The following AGMO variants were observed in gnomAD, a reference collection of about 807,000 sequenced individuals.
AGMO encodes the protein glyceryl-ether monooxygenase.
A neutral mutation model predicts 60.2 loss-of-function variants in AGMO; 75 were observed. That is an observed-to-expected ratio of 1.25 (90% CI 1.03 to 1.51). The LOEUF (loss-of-function observed/expected upper bound fraction) is 1.51, where lower values mean the gene tolerates loss of function less well. AGMO is among the 40% of genes most tolerant of loss of function. The pLI is 0.00. For synonymous variants in AGMO, 261 were observed against 177.1 expected (o/e 1.47, Z -3.76); for missense variants, 763 against 525.5 (o/e 1.45, Z -4.42).
chr7:15,278,194 G>A (rs184305878), intron 12 of AGMO, among the ~76,000 whole-genome samples: 138 of 152,206 alleles, frequency 9.1e-4, no homozygotes, highest in Admixed American at 5.5e-3. Flanking sequence ...CAGCTTTGTG[G>A]CTCATCTGAT....
intron 10 of AGMO, among the ~76,000 whole-genome samples, chr7:15,370,248 G>A (rs567463482): frequency 6.6e-6 from 1 of 152,304 alleles, no homozygotes; most frequent in African/African-American, 2.4e-5. Flanking sequence ...TTTCATGCCT[G>A]CATAGTAATC....
At chr7:15,438,447 T>A (rs1365351317) in intron 3 of AGMO, among the ~76,000 whole-genome samples, 1 of 152,218 alleles carries the variant, frequency 6.6e-6, no homozygotes, top group Non-Finnish European at 1.5e-5. Context: ...ATAACTTACA[T>A]AAAGTAATGA....
chr7:15,180,763 T>C, the AGMO span, among the ~76,000 whole-genome samples: 1 of 152,202 alleles, frequency 6.6e-6, no homozygotes, highest in Non-Finnish European at 1.5e-5. Context: ...TCTCAGTATT[T>C]ATTTTCTGTT....
At chr7:15,467,824 T>C (rs1007415663) in intron 3 of AGMO, among the ~76,000 whole-genome samples, 7 of 152,146 alleles carry the variant, frequency 4.6e-5, no homozygotes, top group African/African-American at 1.7e-4. Flanking sequence ...TTAAGATATT[T>C]AAACCCTTTA....
the AGMO span, among the ~76,000 whole-genome samples, chr7:15,141,841 T>G: frequency 6.6e-6 from 1 of 152,206 alleles, no homozygotes; most frequent in African/African-American, 2.4e-5. Flanking sequence ...AATATTATTC[T>G]TTTTTGGTAA....
the AGMO span, among the ~76,000 whole-genome samples, chr7:15,184,417 G>A: frequency 5.2e-5 from 7 of 134,904 alleles, 1 homozygote; most frequent in Admixed American, 3.0e-4. Context: ...GGGAAGGAAG[G>A]AAGGAAAAGA....
downstream of AGMO, among the ~76,000 whole-genome samples, chr7:15,196,368 T>A (rs1356913961): frequency 6.6e-6 from 1 of 152,144 alleles, no homozygotes; most frequent in East Asian, 1.9e-4. Context: ...TCTTTTAAAA[T>A]GTATGCAAAA....
chr7:15,154,614 C>T, the AGMO span, among the ~76,000 whole-genome samples: 6 of 152,090 alleles, frequency 3.9e-5, no homozygotes, highest in Non-Finnish European at 7.4e-5. Context: ...CAAGGTTAAT[C>T]TTGATATGTG....
chr7:15,376,401 G>C (rs981528645), intron 10 of AGMO, among the ~76,000 whole-genome samples: 1 of 151,852 alleles, frequency 6.6e-6, no homozygotes, highest in African/African-American at 2.4e-5. Flanking sequence ...TTTTTCAGCA[G>C]CTTTATTAAA....
At chr7:15,353,726 C>G (rs1416987357) in intron 12 of AGMO, among the ~76,000 whole-genome samples, 4 of 151,996 alleles carry the variant, frequency 2.6e-5, no homozygotes, top group Admixed American at 2.6e-4. Flanking sequence ...TGACAGTGAA[C>G]AAATAGTAGA....
chr7:15,404,470 C>T (rs969921378), intron 5 of AGMO, among the ~76,000 whole-genome samples: 8 of 151,802 alleles, frequency 5.3e-5, no homozygotes, highest in Admixed American at 5.3e-4. Flanking sequence ...TATTTTTAAA[C>T]AACACGGAGT....
intron 10 of AGMO, among the ~76,000 whole-genome samples, chr7:15,370,342 T>C (rs1228961505): frequency 2.0e-5 from 3 of 152,210 alleles, no homozygotes; most frequent in South Asian, 4.1e-4. Flanking sequence ...TTTGCTATTG[T>C]GAATAATGCT....
chr7:15,167,294 A>T, the AGMO span, among the ~76,000 whole-genome samples: 98,754 of 151,322 alleles, frequency 0.65, 32,320 homozygotes, highest in East Asian at 0.73. Flanking sequence ...CAACTCACAT[A>T]ATTTCAAACA....
intron 10 of AGMO, among the ~76,000 whole-genome samples, chr7:15,378,414 T>C (rs538652202): frequency 7.2e-5 from 11 of 152,178 alleles, no homozygotes; most frequent in Admixed American, 5.2e-4. Flanking sequence ...AAACTTGGGA[T>C]TGCATCCCAT....
intron 12 of AGMO, among the ~76,000 whole-genome samples, chr7:15,313,007 G>C (rs113403997): frequency 4.6e-4 from 70 of 152,166 alleles, no homozygotes; most frequent in African/African-American, 1.6e-3. Flanking sequence ...GAAGAAAAGT[G>C]ATCTAATATA....
intron 3 of AGMO, among the ~76,000 whole-genome samples, chr7:15,470,290 AGATGGAACAGTTTTTAG>A (rs1782416698): frequency 6.6e-6 from 1 of 152,088 alleles, no homozygotes; most frequent in Admixed American, 6.6e-5. Flanking sequence ...AACAAAAACT[AGATGGAACAGTTTTTAG>A]GAGTAAATAA....
At chr7:15,529,219 G>C (rs1784210957) in intron 3 of AGMO, among the ~76,000 whole-genome samples, 1 of 151,592 alleles carries the variant, frequency 6.6e-6, no homozygotes, top group Non-Finnish European at 1.5e-5. Context: ...TATTATTATT[G>C]GAGGATGCAT....
At chr7:15,267,275 TATA>T (rs1783460480) in intron 12 of AGMO, among the ~76,000 whole-genome samples, 1 of 151,970 alleles carries the variant, frequency 6.6e-6, no homozygotes, top group African/African-American at 2.4e-5. Flanking sequence ...TATGTATAAT[TATA>T]ATGAGATATA....
At chr7:15,397,041 C>G (rs1222555022) in intron 5 of AGMO, among the ~76,000 whole-genome samples, 2 of 152,126 alleles carry the variant, frequency 1.3e-5, no homozygotes, top group African/African-American at 4.8e-5. Flanking sequence ...GAAAAGTTCT[C>G]CAAGTCACCA....
Sources: allele counts gnomAD v4.1 joint callset (sites outside exome capture counted in the v4.1 genomes callset), GRCh38; gene constraint gnomAD v4.1.1; transcripts MANE v1.5; gene names NCBI Gene and HGNC (gene_info 2026-07-23, HGNC 2026-07-21).